The following APP variants were observed in gnomAD, a reference collection of about 807,000 sequenced individuals.
The protein encoded by APP is amyloid beta precursor protein, also known as amyloid-beta precursor protein.
A neutral mutation model predicts 101.4 loss-of-function variants in APP; 31 were observed. The observed-to-expected ratio is 0.31, with a 90% CI of 0.23 to 0.41. APP has a LOEUF of 0.41. APP is among the 10% of genes least tolerant of loss of function. The pLI is 1.00. For missense variants in APP, 839 were observed against 1,003.7 expected (o/e 0.84, Z 2.22); for synonymous variants, 366 against 364.4 (o/e 1.00, Z -0.05).
chr21:26,083,984 CA>C (rs777897650), intron 3 of APP, among the ~76,000 whole-genome samples: 1 of 151,940 alleles, frequency 6.6e-6, no homozygotes, highest in Non-Finnish European at 1.5e-5. Context: ...GACACAATAC[CA>C]GGTACAATAA....
intron 17 of APP, among the ~76,000 whole-genome samples, chr21:25,889,069 T>G (rs1362674437): frequency 2.6e-5 from 4 of 152,210 alleles, no homozygotes; most frequent in Admixed American, 2.6e-4. Flanking sequence ...GAGGCCTTGC[T>G]TTTATGCTCA....
At chr21:25,899,150 C>T (rs1349492555) in intron 15 of APP, among the ~76,000 whole-genome samples, 1 of 152,174 alleles carries the variant, frequency 6.6e-6, no homozygotes, top group Non-Finnish European at 1.5e-5. Context: ...ATCTTCTCTC[C>T]TTTTTGCTAT....
intron 5 of APP, among the ~76,000 whole-genome samples, chr21:26,030,146 T>A (rs964621120): frequency 3.9e-5 from 6 of 152,186 alleles, no homozygotes; most frequent in Non-Finnish European, 7.3e-5. Flanking sequence ...CCCTGGGACA[T>A]GATATAAGAC....
chr21:25,935,669 G>A (rs946423758), intron 13 of APP, among the ~76,000 whole-genome samples: 13 of 151,836 alleles, frequency 8.6e-5, no homozygotes, highest in Admixed American at 7.2e-4. Flanking sequence ...CTGAAACCCC[G>A]TCTCTACTAA....
At chr21:25,980,676 AAACAAAAC>A (rs2146594694) in intron 9 of APP, among the ~76,000 whole-genome samples, 1 of 86,638 alleles carries the variant, frequency 1.2e-5, no homozygotes, top group South Asian at 5.2e-4. Flanking sequence ...AACAAACAAA[AAACAAAAC>A]AAACAAACAA....
intron 5 of APP, among the ~76,000 whole-genome samples, chr21:26,024,018 T>A (rs541546166): frequency 6.6e-6 from 1 of 152,256 alleles, no homozygotes; most frequent in Non-Finnish European, 1.5e-5. Flanking sequence ...GAAGGGCATG[T>A]CTAGAACAAA....
chr21:25,954,954 AC>A lies in APP; in HGVS notation c.1588-266del, dbSNP rs1348862464. Among the ~76,000 whole-genome samples, 3 of 126 alleles carry A rather than the reference AC, an allele frequency of 0.024. No homozygotes were observed. The East Asian group carries it at 0.38, about 16-fold the overall frequency. 0.1% of individuals were successfully genotyped at this position (126 alleles called of 152,430 possible). The stretch of plus-strand genomic sequence containing the variant: ...CTAACTTTTTGAGCTCAGGTTTAAG[AC>A]TTGATCTTGAAACTTACCATTATCT... On this transcript the variant is annotated intron_variant, in intron 12 of 17. Coordinates refer to ENST00000346798, the MANE Select transcript of APP (RefSeq NM_000484.4).
intron 14 of APP, among the ~76,000 whole-genome samples, chr21:25,911,193 T>A (rs1434109082): frequency 6.6e-6 from 1 of 152,256 alleles, no homozygotes; most frequent in Non-Finnish European, 1.5e-5. Flanking sequence ...TGATATACAG[T>A]ACATGCTCTT....
chr21:25,897,257 T>C (rs371221004), intron 16 of APP, among the ~76,000 whole-genome samples: 28 of 152,000 alleles, frequency 1.8e-4, no homozygotes, highest in Admixed American at 3.3e-4. Flanking sequence ...GGACTACAGG[T>C]GTTTGCCACC....
At position 25,881,909 on chromosome 21, in the gene APP, C is replaced by G; in HGVS notation, c.2212-138G>C. 3 of 878,928 alleles carry G rather than the reference C, an allele frequency of 3.4e-6. No individual in the cohort carries two copies. The South Asian group carries it at 4.3e-5, about 13-fold the overall frequency. 54.4% of individuals were successfully genotyped at this position (878,928 alleles called of 1,614,324 possible). A position where few individuals can be genotyped will look rare whatever the true frequency, so the allele number is the denominator to read the frequency against. On this transcript the variant is annotated intron_variant, in intron 17 of 17. Transcript: ENST00000346798. ...AGAACACCCATAATTTTCTCCCCCA[C>G]TTTGACATCTTGGAGCAGAACGCCT...
intron 6 of APP, 54 bp downstream of exon 6, chr21:26,021,786 A>T (rs1355551540): frequency 6.2e-7 from 1 of 1,601,172 alleles, no homozygotes; most frequent in Non-Finnish European, 8.5e-7. Context: ...CAACTCTGGT[A>T]TTACGCTTTC....
At chr21:25,936,436 G>T (rs974331877) in intron 13 of APP, among the ~76,000 whole-genome samples, 1 of 152,172 alleles carries the variant, frequency 6.6e-6, no homozygotes, top group South Asian at 2.1e-4. Context: ...TCAGCTACTC[G>T]GGAGGCTGAG....
At chr21:26,107,154 A>G (rs1435492889) in intron 2 of APP, among the ~76,000 whole-genome samples, 1 of 152,160 alleles carries the variant, frequency 6.6e-6, no homozygotes, top group Non-Finnish European at 1.5e-5. Flanking sequence ...CACCCTTATT[A>G]CTTACATCCT....
At chr21:25,887,643 A>G (rs2037422246) in intron 17 of APP, among the ~76,000 whole-genome samples, 1 of 151,914 alleles carries the variant, frequency 6.6e-6, no homozygotes, top group East Asian at 1.9e-4. Flanking sequence ...GACCAAACAT[A>G]TGATGGTGGC....
At chr21:25,976,743 A>G (rs2042238156) in intron 9 of APP, among the ~76,000 whole-genome samples, 1 of 152,230 alleles carries the variant, frequency 6.6e-6, no homozygotes, top group African/African-American at 2.4e-5. Flanking sequence ...TATGGTTTGA[A>G]TGTAACCCCT....
intron 3 of APP, among the ~76,000 whole-genome samples, chr21:26,064,526 G>T (rs777391318): frequency 2.0e-4 from 30 of 152,212 alleles, no homozygotes; most frequent in Non-Finnish European, 3.4e-4. Context: ...AGCCAGAAGA[G>T]GCCCAGAGCT....
chr21:26,035,283 C>A (rs1182789675), intron 5 of APP, among the ~76,000 whole-genome samples: 1 of 152,046 alleles, frequency 6.6e-6, no homozygotes, highest in Non-Finnish European at 1.5e-5. Context: ...ACAGAATGAT[C>A]AAGGGAATTC....
chr21:26,032,771 T>G (rs2044888792), intron 5 of APP, among the ~76,000 whole-genome samples: 1 of 143,878 alleles, frequency 7.0e-6, no homozygotes, highest in South Asian at 2.3e-4. Context: ...CAGGTAATGT[T>G]TTTCTTGGGG....
At chr21:26,166,307 C>CTT (rs1213089411) in intron 1 of APP, among the ~76,000 whole-genome samples, 1 of 151,594 alleles carries the variant, frequency 6.6e-6, no homozygotes, top group Non-Finnish European at 1.5e-5. Context: ...CACCTTCTGT[C>CTT]TTCTGTGTAC....
Sources: allele counts gnomAD v4.1 joint callset (sites outside exome capture counted in the v4.1 genomes callset), GRCh38; gene constraint gnomAD v4.1.1; transcripts MANE v1.5; gene names NCBI Gene and HGNC (gene_info 2026-07-23, HGNC 2026-07-21).